The following ADGRB3 variants were observed in gnomAD, a reference collection of about 807,000 sequenced individuals.
ADGRB3 encodes the protein brain-specific angiogenesis inhibitor 3.
A neutral mutation model predicts 193.4 loss-of-function variants in ADGRB3; 37 were observed. That is an observed-to-expected ratio of 0.19 (90% CI 0.15 to 0.25). The LOEUF is 0.25. ADGRB3 is among the 10% of genes least tolerant of loss of function. The pLI, the probability that ADGRB3 is intolerant of heterozygous loss-of-function variation, is 1.00. For synonymous variants in ADGRB3, 690 were observed against 644.2 expected (o/e 1.07, Z -1.08); for missense variants, 1,637 against 1,852.9 (o/e 0.88, Z 2.14).
intron 3 of ADGRB3, among the ~76,000 whole-genome samples, chr6:68,725,956 A>C (rs1441647841): frequency 6.6e-6 from 1 of 151,576 alleles, no homozygotes; most frequent in African/African-American, 2.4e-5. Flanking sequence ...GTGGAGGTGA[A>C]CAACAGTGTC....
chr6:68,901,343 G>A (rs527676285), intron 3 of ADGRB3, among the ~76,000 whole-genome samples: 4 of 152,264 alleles, frequency 2.6e-5, no homozygotes, highest in South Asian at 4.1e-4. Flanking sequence ...CTCAGAACAT[G>A]ATAGCTGGCT....
At chr6:69,180,428 A>T (rs963430572) in intron 17 of ADGRB3, among the ~76,000 whole-genome samples, 4 of 152,132 alleles carry the variant, frequency 2.6e-5, no homozygotes, top group African/African-American at 9.7e-5. Flanking sequence ...GAATCTGTCT[A>T]GGTGTGGAGT....
At chr6:69,332,502 C>A in intron 23 of ADGRB3, 1 of 985,378 alleles carries the variant, frequency 1.0e-6, no homozygotes, top group Non-Finnish European at 1.2e-6. Context: ...TCATCAGCAC[C>A]TTTTGCTGCC....
intron 17 of ADGRB3, among the ~76,000 whole-genome samples, chr6:69,223,655 T>C (rs1039722241): frequency 5.1e-4 from 54 of 106,372 alleles, no homozygotes; most frequent in African/African-American, 7.6e-4. Context: ...TCTCTCTCTT[T>C]TTTTTTTTTT....
chr6:69,369,713 A>G (rs991175629), intron 29 of ADGRB3, among the ~76,000 whole-genome samples: 66 of 151,564 alleles, frequency 4.4e-4, no homozygotes, highest in East Asian at 1.6e-3. Flanking sequence ...AAAAAAAAAA[A>G]AGAGAGAGCG....
chr6:69,170,036 T>A (rs1039618601), intron 17 of ADGRB3, among the ~76,000 whole-genome samples: 1 of 152,104 alleles, frequency 6.6e-6, no homozygotes, highest in Non-Finnish European at 1.5e-5. Flanking sequence ...TAGTTCTAAG[T>A]ACAATTAATG....
intron 3 of ADGRB3, among the ~76,000 whole-genome samples, chr6:68,718,219 C>T (rs953742580): frequency 1.3e-5 from 2 of 151,562 alleles, no homozygotes; most frequent in Non-Finnish European, 3.0e-5. Flanking sequence ...CACAAATGTT[C>T]GTGTGTTCAG....
At chr6:68,768,261 G>A (rs1766549601) in intron 3 of ADGRB3, among the ~76,000 whole-genome samples, 1 of 152,088 alleles carries the variant, frequency 6.6e-6, no homozygotes, top group Admixed American at 6.6e-5. Context: ...GAACAAATCT[G>A]GAGGCATCAC....
intron 8 of ADGRB3, among the ~76,000 whole-genome samples, chr6:68,969,001 T>A (rs1768476605): frequency 6.6e-6 from 1 of 151,848 alleles, no homozygotes; most frequent in African/African-American, 2.4e-5. Context: ...ATTGAAAAAA[T>A]TTTATTGGAC....
At chr6:68,885,424 G>A (rs1765880637) in intron 3 of ADGRB3, among the ~76,000 whole-genome samples, 2 of 152,242 alleles carry the variant, frequency 1.3e-5, no homozygotes, top group African/African-American at 4.8e-5. Flanking sequence ...GTTTACATTT[G>A]TGGAATGATT....
intron 17 of ADGRB3, among the ~76,000 whole-genome samples, chr6:69,218,856 T>G (rs1356545695): frequency 6.6e-6 from 1 of 152,162 alleles, no homozygotes; most frequent in Non-Finnish European, 1.5e-5. Flanking sequence ...ACTGCATTTA[T>G]TTCATGGAAT....
chr6:69,220,069 A>G (rs1765860731), intron 17 of ADGRB3, among the ~76,000 whole-genome samples: 1 of 151,900 alleles, frequency 6.6e-6, no homozygotes. Flanking sequence ...TCTTTTGCCT[A>G]GTAATGAAAA....
At chr6:69,351,294 C>A (rs953726519) in intron 26 of ADGRB3, among the ~76,000 whole-genome samples, 2 of 151,606 alleles carry the variant, frequency 1.3e-5, no homozygotes, top group African/African-American at 4.8e-5. Context: ...GGGGTTTTGC[C>A]ATGTTCGCCA....
At chr6:69,273,605 C>T (rs746504175) in intron 20 of ADGRB3, among the ~76,000 whole-genome samples, 3 of 152,174 alleles carry the variant, frequency 2.0e-5, no homozygotes, top group Admixed American at 6.5e-5. Context: ...TGGTTTCCAT[C>T]ATTTTCTTTG....
intron 10 of ADGRB3, among the ~76,000 whole-genome samples, chr6:68,991,875 G>C (rs945529): frequency 0.83 from 126,619 of 152,096 alleles, 52,975 homozygotes; most frequent in Middle Eastern, 0.9. Flanking sequence ...TAAGCTGAGT[G>C]TCCAATGAAC....
At chr6:69,295,486 A>G (rs979096016) in intron 20 of ADGRB3, among the ~76,000 whole-genome samples, 2 of 152,136 alleles carry the variant, frequency 1.3e-5, no homozygotes, top group South Asian at 2.1e-4. Context: ...ACTTCACACC[A>G]TGAGGCCAGG....
chr6:69,211,805 A>G (rs893656882), intron 17 of ADGRB3, among the ~76,000 whole-genome samples: 11 of 152,158 alleles, frequency 7.2e-5, no homozygotes, highest in Non-Finnish European at 1.6e-4. Context: ...ACAAAATTAT[A>G]CTGCTATCCA....
chr6:69,127,218 A>C (rs1773877319), intron 17 of ADGRB3, among the ~76,000 whole-genome samples: 1 of 152,190 alleles, frequency 6.6e-6, no homozygotes. Context: ...TCCATTCTCA[A>C]TTCTAAAAAT....
At chr6:69,036,076 A>G (rs896954785) in intron 13 of ADGRB3, among the ~76,000 whole-genome samples, 1 of 152,160 alleles carries the variant, frequency 6.6e-6, no homozygotes, top group African/African-American at 2.4e-5. Flanking sequence ...TATCCCTATT[A>G]TGGCCATACT....
Sources: gnomAD v4.1 joint callset for allele counts (sites outside exome capture counted in the v4.1 genomes callset) on GRCh38, gnomAD v4.1.1 for gene constraint, MANE v1.5 for transcripts, NCBI Gene and HGNC (gene_info 2026-07-23, HGNC 2026-07-21) for gene names.